ABCC6: variants seen among roughly 807,000 people sequenced by gnomAD.
ABCC6 encodes ATP-binding cassette sub-family C member 6.
A neutral mutation model predicts 169.5 loss-of-function variants in ABCC6; 126 were observed. That is an observed-to-expected ratio of 0.74 (90% CI 0.64 to 0.86). ABCC6 has a LOEUF of 0.86. ABCC6 is among the 40% of genes least tolerant of loss of function. The pLI is 0.00. For synonymous variants in ABCC6, 752 were observed against 814.7 expected (o/e 0.92, Z 1.31); for missense variants, 1,733 against 1,927.2 (o/e 0.90, Z 1.89).
rs1398594452 is a variant in ABCC6, at chr16:16,165,883, C to G, written c.3046G>C (p.Ala1016Pro). ...AGCCTCTGGAAGAGCAACCTGGATG[C>G]CCGGGCCCCACCTAGGAGCACCGCA... ...MAAVLLGGAR[A>P]SRLLFQRLLW... The change falls in exon 23 of 31, where the codon GCA (alanine) becomes CCA (proline). Residue 1016 changes from alanine (A) to proline (P), a missense_variant. This residue lies in a region of ABCC6 where 1,601 missense variants were observed against 1,635.5 expected (regional missense o/e 0.98). Coordinates refer to ENST00000205557, the MANE Select transcript of ABCC6 (RefSeq NM_001171.6). The G allele has an allele frequency of 1.2e-6, 2 of 1,613,108 alleles. No individual in the cohort carries two copies. Among genetic ancestry groups the G allele is most frequent in the African/African-American group, 1.3e-5 (1 of 74,912 alleles).
chr16:16,207,421 A>C (rs1365363418), intron 7 of ABCC6, among the ~76,000 whole-genome samples: 1 of 152,210 alleles, frequency 6.6e-6, no homozygotes, highest in African/African-American at 2.4e-5. Flanking sequence ...GATAGGCCTT[A>C]TGGAGAGACC....
At position 16,150,094 on chromosome 16, in the gene ABCC6, G is replaced by A. The variant is rs1339682806; in HGVS notation, c.*39C>T. Reference sequence around the variant, plus strand: ...TTCCATCTCCAGCACTGCAGGCTGTGCGGGCTGGTCCAACTGGGGTACGGT... The same window carrying A: ...TTCCATCTCCAGCACTGCAGGCTGTACGGGCTGGTCCAACTGGGGTACGGT... On this transcript the variant is annotated 3_prime_UTR_variant, in exon 31 of 31. Transcript: ENST00000205557. The A allele has an allele frequency of 6.2e-7, 1 of 1,610,456 alleles. No homozygotes were observed. The highest frequency in any genetic ancestry group is 8.5e-7 in the Non-Finnish European group (1 of 1,179,360).
intron 22 of ABCC6, 143 bp from the exon 23 acceptor site, chr16:16,166,076 G>A: frequency 1.2e-6 from 1 of 820,254 alleles, no homozygotes; most frequent in Non-Finnish European, 1.9e-6. Flanking sequence ...TTTGAGACAG[G>A]GTCTCACTCT....
chr16:16,188,225 CA>C (rs34901331), intron 13 of ABCC6, among the ~76,000 whole-genome samples: 2,669 of 125,606 alleles, frequency 0.021, 22 homozygotes, highest in Middle Eastern at 0.029. Context: ...ACTAAAAATA[CA>C]AAAAAAAAAA....
Position 16,150,106 on chromosome 16 carries a change from A to C in ABCC6, c.*27T>G. 6.2e-7 allele frequency: 1 copy of C among 1,611,482 alleles called. No homozygotes were observed. Among genetic ancestry groups the C allele is most frequent in the Non-Finnish European group, 8.5e-7 (1 of 1,179,778 alleles). ...CACTGCAGGCTGTGCGGGCTGGTCC[A>C]ACTGGGGTACGGTTGAGGGTCCTGG... On this transcript the variant is annotated 3_prime_UTR_variant, in exon 31 of 31. Transcript: ENST00000205557.
intron 14 of ABCC6, among the ~76,000 whole-genome samples, chr16:16,185,321 C>T (rs574233904): frequency 4.6e-5 from 7 of 152,358 alleles, no homozygotes; most frequent in South Asian, 2.1e-4. Context: ...TATTGGAACA[C>T]GGCCACATCC....
intron 4 of ABCC6, among the ~76,000 whole-genome samples, chr16:16,215,438 G>GGTGT (rs56229208): frequency 0.012 from 1,686 of 136,934 alleles, 19 homozygotes; most frequent in African/African-American, 0.021. Context: ...TTTAATTTTA[G>GGTGT]GTGTGTGTGT....
rs765290667 is a variant in ABCC6, at chr16:16,182,897, C to T, written c.1977G>A (p.Leu659=). 1.9e-6 allele frequency: 3 copies of T among 1,614,146 alleles called. No homozygotes were observed. The highest frequency in any genetic ancestry group is 3.3e-5 in the Admixed American group (2 of 60,018). ...INLTVPQGCL[L]AVVGPVGAGK... Reference sequence around the variant, plus strand: ...CTGCCCCCACTGGACCGACAACAGCCAGCAGACAGCCCTGGGGCACCGTGA... The same window carrying T: ...CTGCCCCCACTGGACCGACAACAGCTAGCAGACAGCCCTGGGGCACCGTGA... The change falls in exon 16 of 31, where the codon CTG becomes CTA. Residue 659 remains leucine (L), a synonymous_variant. Coordinates refer to ENST00000205557, the MANE Select transcript of ABCC6 (RefSeq NM_001171.6).
chr16:16,220,998 G>C (rs2049052203), intron 2 of ABCC6, among the ~76,000 whole-genome samples: 1 of 151,948 alleles, frequency 6.6e-6, no homozygotes. Context: ...TGTTCGGAAG[G>C]AAGATTACCT....
At position 16,199,648 on chromosome 16, in the gene ABCC6, T is replaced by C. The variant is rs1337752525; in HGVS notation, c.1177-1466A>G. On this transcript the variant is annotated intron_variant, in intron 9 of 30. Coordinates refer to ENST00000205557, the MANE Select transcript of ABCC6 (RefSeq NM_001171.6). ...TAGAAATTCTCCACTTAGCAAGTCT[T>C]TGAAGAGTGCTCACTGTGTGACTCA... Among the ~76,000 whole-genome samples the C allele has an allele frequency of 2.4e-5, 3 of 127,400 alleles. No homozygotes were observed. The Admixed American group carries it at 2.6e-4, about 11-fold the overall frequency. The allele number at this position is 127,400 out of a possible 152,430, so 83.6% of individuals were successfully genotyped here.
intron 21 of ABCC6, among the ~76,000 whole-genome samples, chr16:16,170,210 C>T (rs1385049577): frequency 1.3e-5 from 2 of 152,052 alleles, no homozygotes; most frequent in Non-Finnish European, 2.9e-5. Context: ...AAGTAATCCC[C>T]CCGCCTCAGC....
At chr16:16,155,217 T>C in intron 27 of ABCC6, 186 bp from the exon 28 acceptor site, 1 of 673,214 alleles carries the variant, frequency 1.5e-6, no homozygotes, top group South Asian at 1.9e-5. Context: ...CAGTCTTCCA[T>C]CTGTGTTCTT....
At chr16:16,175,873 C>T in intron 20 of ABCC6, 38 bp downstream of exon 20, 2 of 1,612,206 alleles carry the variant, frequency 1.2e-6, no homozygotes, top group Non-Finnish European at 1.7e-6. Flanking sequence ...TCAGCTTCAG[C>T]CTGTGCCCTT....
In ABCC6 at chr16:16,208,731, C is replaced by T. The variant is rs753836442; in HGVS notation, c.791G>A (p.Arg264Gln). The change falls in exon 7 of 31, where the codon CGG (arginine) becomes CAG (glutamine). Residue 264 changes from arginine (R) to glutamine (Q), a missense_variant. Transcript: ENST00000205557. ...TTCTTGACCTCCACCCACTTACCTC[C>T]GGGCTGCACTGCGGTTCCTCATCCA... is the stretch of plus-strand genomic sequence containing the variant. ...KEWMRNRSAA[R>Q]RHNKAIAFKR... 31 of 1,613,314 alleles carry T rather than the reference C, an allele frequency of 1.9e-5. No homozygotes were observed. The highest frequency in any genetic ancestry group is 6.7e-5 in the East Asian group (3 of 44,850).
At chr16:16,165,971 G>C (rs1356008997) in intron 22 of ABCC6, 38 bp from the exon 23 acceptor site, 1 of 1,600,834 alleles carries the variant, frequency 6.2e-7, no homozygotes. Flanking sequence ...GAGGGCTGGA[G>C]ACCCTCAGGA....
At position 16,200,314 on chromosome 16, in the gene ABCC6, A is replaced by G. The variant is rs2048195199; in HGVS notation, c.1176+1687T>C. Among the ~76,000 whole-genome samples the G allele has an allele frequency of 3.3e-5, 5 of 151,610 alleles. No individual in the cohort carries two copies. The South Asian group carries it at 1.0e-3, about 32-fold the overall frequency. On this transcript the variant is annotated intron_variant, in intron 9 of 30. Transcript: ENST00000205557. Reference sequence around the variant, plus strand: ...CATGGTGGCGCACACCTGTAATCCCAGCTACTCAGGAAGCTGAGACAGGAG... The same window carrying G: ...CATGGTGGCGCACACCTGTAATCCCGGCTACTCAGGAAGCTGAGACAGGAG...
At chr16:16,190,944 C>G (rs1408586597) in intron 11 of ABCC6, among the ~76,000 whole-genome samples, 1 of 66,188 alleles carries the variant, frequency 1.5e-5, no homozygotes, top group African/African-American at 6.2e-5. Context: ...AGGGGGGTGG[C>G]GGGGGCACCT....
chr16:16,190,062 G>C, intron 12 of ABCC6, 102 bp downstream of exon 12: 1 of 1,258,696 alleles, frequency 7.9e-7, no homozygotes, highest in Non-Finnish European at 1.1e-6. Flanking sequence ...GGTTTTGATG[G>C]ACGGGGTGGT....
At position 16,182,488 on chromosome 16, in the gene ABCC6, C is replaced by T. The variant is rs58073789; in HGVS notation, c.2171G>A (p.Arg724Lys). The change falls in exon 17 of 31, where the codon AGA becomes AAA. Residue 724 changes from arginine (R) to lysine (K), a missense_variant. Coordinates refer to ENST00000205557, the MANE Select transcript of ABCC6 (RefSeq NM_001171.6). Reference sequence around the variant, plus strand: ...CTGCAGGGCACAGGCTTCTAGTACTCTCTCCAGCCAGGGTGGGTCCAGCTC... The same window carrying T: ...CTGCAGGGCACAGGCTTCTAGTACTTTCTCCAGCCAGGGTGGGTCCAGCTC... Reference protein sequence around the residue: ...GQELDPPWLERVLEACALQPD... With the variant: ...GQELDPPWLEKVLEACALQPD... The T allele has an allele frequency of 0.015, 24,174 of 1,614,154 alleles. 282 individuals are homozygous for T. Among genetic ancestry groups the T allele is most frequent in the South Asian group, 0.038 (3,422 of 91,080 alleles).
Sources: allele counts gnomAD v4.1 joint callset (sites outside exome capture counted in the v4.1 genomes callset), GRCh38; gene constraint gnomAD v4.1.1; regional missense constraint gnomAD v4.1.1; transcripts MANE v1.5; gene names NCBI Gene and HGNC (gene_info 2026-07-23, HGNC 2026-07-21).